The following RERE variants were observed in gnomAD, a reference collection of about 807,000 sequenced individuals.
The protein encoded by RERE is arginine-glutamic acid dipeptide repeats protein.
A neutral mutation model predicts 146.1 loss-of-function variants in RERE; 40 were observed. That is an observed-to-expected ratio of 0.27 (90% confidence interval 0.21 to 0.36). RERE has a LOEUF of 0.36. Ranked by LOEUF, RERE falls within the 10% of genes least tolerant of loss-of-function variation. The probability of loss-of-function intolerance (pLI) is 1.00; values close to 1 mark genes in which losing one functional copy is unlikely to be tolerated. For synonymous variants in RERE, 1,003 were observed against 866.0 expected (o/e 1.16, Z -2.78); for missense variants, 1,933 against 2,138.7 (o/e 0.90, Z 1.90).
At chr1:8,374,222 C>T (rs778236851) in intron 12 of RERE, among the ~76,000 whole-genome samples, 19 of 152,154 alleles carry the variant, frequency 1.2e-4, no homozygotes, top group Non-Finnish European at 2.5e-4. Flanking sequence ...AGATCCTCTT[C>T]TGGGGAAAGG....
At chr1:8,644,166 C>T (rs1647225531) in intron 2 of RERE, among the ~76,000 whole-genome samples, 1 of 152,162 alleles carries the variant, frequency 6.6e-6, no homozygotes, top group Admixed American at 6.6e-5. Flanking sequence ...TAACTTTAGC[C>T]CCATCATGTG....
intron 6 of RERE, among the ~76,000 whole-genome samples, chr1:8,550,008 C>G (rs80265493): frequency 2.0e-5 from 3 of 152,106 alleles, no homozygotes; most frequent in Non-Finnish European, 4.4e-5. Flanking sequence ...AGAACAACAA[C>G]GAGGACATTG....
At chr1:8,684,424 AC>A (rs1399517152) in intron 1 of RERE, among the ~76,000 whole-genome samples, 3 of 151,942 alleles carry the variant, frequency 2.0e-5, no homozygotes, top group African/African-American at 7.3e-5. Context: ...TAAACAAAAA[AC>A]CCCGCCCTCC....
chr1:8,542,373 T>C (rs1645810318), intron 6 of RERE, among the ~76,000 whole-genome samples: 2 of 152,064 alleles, frequency 1.3e-5, no homozygotes, highest in South Asian at 4.1e-4. Flanking sequence ...ACTCCATGAG[T>C]ATGCACGGTA....
chr1:8,402,925 G>A (rs1643313742), intron 12 of RERE, among the ~76,000 whole-genome samples: 1 of 152,146 alleles, frequency 6.6e-6, no homozygotes, highest in South Asian at 2.1e-4. Context: ...TTGAGATGGA[G>A]TCTCGCTCTG....
At chr1:8,566,794 T>C (rs2124443393) in intron 4 of RERE, among the ~76,000 whole-genome samples, 1 of 8,106 alleles carries the variant, frequency 1.2e-4, no homozygotes, top group East Asian at 0.05. Context: ...GAATAGTAAT[T>C]TTTTTTTTTT....
intron 1 of RERE, among the ~76,000 whole-genome samples, chr1:8,790,214 C>T (rs1231247359): frequency 2.6e-5 from 4 of 152,036 alleles, no homozygotes; most frequent in Non-Finnish European, 5.9e-5. Flanking sequence ...CTTATGTGCT[C>T]CTTTGGGACA....
intron 12 of RERE, among the ~76,000 whole-genome samples, chr1:8,404,146 G>A (rs930531338): frequency 6.6e-6 from 1 of 152,020 alleles, no homozygotes; most frequent in Non-Finnish European, 1.5e-5. Context: ...AAAAAAAATA[G>A]AGGCCGGGTG....
chr1:8,463,714 G>A (rs1051212383), intron 11 of RERE, among the ~76,000 whole-genome samples: 3 of 152,200 alleles, frequency 2.0e-5, no homozygotes, highest in Admixed American at 6.5e-5. Context: ...GAGGGTGGGA[G>A]ACACCAAGAA....
chr1:8,371,075 C>T (rs1227025998), intron 12 of RERE, among the ~76,000 whole-genome samples: 1 of 152,186 alleles, frequency 6.6e-6, no homozygotes, highest in African/African-American at 2.4e-5. Context: ...GCATGAGGAA[C>T]TCAACTGGTT....
chr1:8,373,798 A>G (rs1408926615), intron 12 of RERE, among the ~76,000 whole-genome samples: 2 of 152,214 alleles, frequency 1.3e-5, no homozygotes, highest in Admixed American at 1.3e-4. Flanking sequence ...AGAACATCTG[A>G]GGTGAGAAGC....
At chr1:8,550,190 T>G (rs1186452651) in intron 6 of RERE, among the ~76,000 whole-genome samples, 8 of 152,120 alleles carry the variant, frequency 5.3e-5, no homozygotes, top group Non-Finnish European at 1.5e-5. Context: ...TAGCTCCAAA[T>G]AAAAGAAAGT....
intron 1 of RERE, among the ~76,000 whole-genome samples, chr1:8,677,849 C>T (rs946183763): frequency 6.6e-6 from 1 of 152,252 alleles, no homozygotes; most frequent in African/African-American, 2.4e-5. Context: ...AACCTCAACA[C>T]TGCTGATGAC....
chr1:8,767,248 G>A (rs550778624), intron 1 of RERE, among the ~76,000 whole-genome samples: 15 of 152,138 alleles, frequency 9.9e-5, no homozygotes, highest in Admixed American at 3.9e-4. Flanking sequence ...GAAATGGAAC[G>A]GAAGGATGGG....
At chr1:8,628,727 G>C (rs1188807504) in intron 2 of RERE, among the ~76,000 whole-genome samples, 1 of 152,096 alleles carries the variant, frequency 6.6e-6, no homozygotes, top group Non-Finnish European at 1.5e-5. Flanking sequence ...TATTTGAAAA[G>C]GGAAAGATAA....
chr1:8,453,334 T>G (rs1187754604), intron 11 of RERE, among the ~76,000 whole-genome samples: 8 of 152,228 alleles, frequency 5.3e-5, no homozygotes, highest in Non-Finnish European at 1.2e-4. Context: ...CACCCCACTC[T>G]TTAAGCTGCT....
At chr1:8,751,096 G>A in intron 1 of RERE, 1 of 482,026 alleles carries the variant, frequency 2.1e-6, no homozygotes, top group East Asian at 3.9e-5. Context: ...AGAAAACCTT[G>A]ACTATCTACA....
chr1:8,637,961 G>C (rs779499955), intron 2 of RERE, among the ~76,000 whole-genome samples: 28 of 152,204 alleles, frequency 1.8e-4, no homozygotes, highest in Non-Finnish European at 3.1e-4. Flanking sequence ...GTTTAGAACG[G>C]AGAATATTTG....
intron 1 of RERE, among the ~76,000 whole-genome samples, chr1:8,790,168 G>C (rs940674005): frequency 1.3e-5 from 2 of 152,108 alleles, no homozygotes; most frequent in African/African-American, 4.8e-5. Context: ...GCTTTTCTCT[G>C]GAACTGCGGG....
Sources: allele counts gnomAD v4.1 joint callset (sites outside exome capture counted in the v4.1 genomes callset), GRCh38; gene constraint gnomAD v4.1.1; transcripts MANE v1.5; gene names NCBI Gene and HGNC (gene_info 2026-07-23, HGNC 2026-07-21).